The following DPP6 variants were observed in gnomAD, a reference collection of about 807,000 sequenced individuals.
The protein encoded by DPP6 is A-type potassium channel modulatory protein DPP6.
DPP6 carries 69 observed loss-of-function variants against 122.6 expected under a neutral mutation model. The ratio of observed to expected loss-of-function variants is 0.56; its 90% CI spans 0.46 to 0.69. The LOEUF (loss-of-function observed/expected upper bound fraction) is 0.69. DPP6 is among the 30% of genes least tolerant of loss of function. The pLI is 0.00. For missense variants in DPP6, 928 were observed against 1,116.9 expected (o/e 0.83, Z 2.41); for synonymous variants, 418 against 433.1 (o/e 0.97, Z 0.43).
intron 1 of DPP6, among the ~76,000 whole-genome samples, chr7:154,210,810 C>T (rs1383188017): frequency 2.0e-5 from 3 of 147,562 alleles, no homozygotes; most frequent in Non-Finnish European, 3.0e-5. Flanking sequence ...AGAAGAGAAC[C>T]ATTATAGTGG....
chr7:154,698,727 G>T (rs952826663), intron 7 of DPP6, among the ~76,000 whole-genome samples: 3 of 152,120 alleles, frequency 2.0e-5, no homozygotes, highest in Admixed American at 2.0e-4. Context: ...TAACCAAAAA[G>T]CTCCCTGAAG....
chr7:153,960,752 C>T (rs1163980627), intron 1 of DPP6, among the ~76,000 whole-genome samples: 1 of 148,994 alleles, frequency 6.7e-6, no homozygotes, highest in African/African-American at 2.5e-5. Context: ...TGTGATTTCT[C>T]CAGGTGCCCT....
At chr7:153,882,125 T>C (rs1363801391), upstream of DPP6, among the ~76,000 whole-genome samples, 2 of 152,218 alleles carry the variant, frequency 1.3e-5, no homozygotes, top group African/African-American at 4.8e-5. Context: ...AAACATTGGT[T>C]ATATGCTTTC....
intron 8 of DPP6, among the ~76,000 whole-genome samples, chr7:154,743,661 G>A (rs548756388): frequency 1.3e-5 from 2 of 152,040 alleles, no homozygotes; most frequent in Non-Finnish European, 2.9e-5. Context: ...TGTGCCCCTT[G>A]GTATATACGC....
intron 1 of DPP6, among the ~76,000 whole-genome samples, chr7:154,238,447 A>G (rs928598304): frequency 3.9e-5 from 6 of 152,208 alleles, no homozygotes; most frequent in Non-Finnish European, 7.3e-5. Context: ...GATAATAGCA[A>G]TAACTGGCTA....
chr7:154,050,420 C>T (rs182782172), upstream of DPP6, among the ~76,000 whole-genome samples: 573 of 152,178 alleles, frequency 3.8e-3, 1 homozygote, highest in African/African-American at 0.013. Flanking sequence ...TAAAAATATG[C>T]ATGCATATTT....
intron 7 of DPP6, among the ~76,000 whole-genome samples, chr7:154,727,070 G>A (rs924058170): frequency 6.6e-6 from 1 of 152,110 alleles, no homozygotes; most frequent in Admixed American, 6.5e-5. Context: ...CACATTTTCA[G>A]GTATCTTTGT....
intron 5 of DPP6, among the ~76,000 whole-genome samples, chr7:154,611,966 C>G (rs747074399): frequency 1.3e-5 from 2 of 152,050 alleles, no homozygotes; most frequent in Non-Finnish European, 2.9e-5. Flanking sequence ...TGTGTTCTTA[C>G]AAAAACATGT....
chr7:154,741,243 G>C (rs1242895185), intron 8 of DPP6, among the ~76,000 whole-genome samples: 9 of 152,216 alleles, frequency 5.9e-5, no homozygotes, highest in Admixed American at 5.9e-4. Context: ...GACTGGACAT[G>C]CAGACCTATC....
At chr7:154,103,660 C>T (rs1417929459) in intron 1 of DPP6, among the ~76,000 whole-genome samples, 1 of 152,248 alleles carries the variant, frequency 6.6e-6, no homozygotes, top group Non-Finnish European at 1.5e-5. Flanking sequence ...AAGACCCATC[C>T]TCAGTGTGGG....
rs1157043834 is a variant in DPP6, at chr7:154,601,068, G to T, written c.627+34152G>T. Among the ~76,000 whole-genome samples the T allele has an allele frequency of 4.2e-5, 5 of 120,296 alleles. 1 individual carries two copies. The highest frequency in any genetic ancestry group is 1.3e-4 in the African/African-American group (5 of 37,828). The allele number at this position is 120,296 out of a possible 152,430, so 78.9% of individuals were successfully genotyped here. A position where few individuals can be genotyped will look rare whatever the true frequency, so the allele number is the denominator to read the frequency against. ...GGACTCCAGCCTGGGCAACAAGAGC[G>T]AAACTCCATCTCAAGAAACAAAAAC... On this transcript the variant is annotated intron_variant, in intron 5 of 25. Transcript: ENST00000377770.
chr7:154,128,117 G>A (rs577941989), intron 1 of DPP6, among the ~76,000 whole-genome samples: 1 of 150,672 alleles, frequency 6.6e-6, no homozygotes, highest in African/African-American at 2.5e-5. Flanking sequence ...GGCACAGCTG[G>A]CCTCTCTGCC....
At chr7:154,801,284 T>G in intron 12 of DPP6, 71 bp from the exon 13 acceptor site, 1 of 1,543,054 alleles carries the variant, frequency 6.5e-7, no homozygotes. Context: ...GGGGTGTATT[T>G]TATCCTGGTT....
At chr7:154,369,027 T>C (rs1317152602) in intron 1 of DPP6, among the ~76,000 whole-genome samples, 3 of 152,148 alleles carry the variant, frequency 2.0e-5, no homozygotes, top group Non-Finnish European at 4.4e-5. Context: ...CTGCGCAATA[T>C]CCATCAATCC....
intron 1 of DPP6, among the ~76,000 whole-genome samples, chr7:154,024,436 GT>G (rs922510380): frequency 1.0e-4 from 15 of 149,918 alleles, no homozygotes; most frequent in East Asian, 3.9e-4. Flanking sequence ...TAGATGATCA[GT>G]TTTTTTTTTC....
intron 7 of DPP6, among the ~76,000 whole-genome samples, chr7:154,703,619 A>T (rs1474955846): frequency 1.8e-4 from 2 of 10,836 alleles, no homozygotes; most frequent in African/African-American, 2.3e-4. Context: ...ACTCTGTCTC[A>T]AAAAAAAAAA....
chr7:153,999,511 T>C (rs918764618), intron 1 of DPP6, among the ~76,000 whole-genome samples: 1 of 152,236 alleles, frequency 6.6e-6, no homozygotes, highest in Non-Finnish European at 1.5e-5. Context: ...ACTGTTGAAA[T>C]CTATGGCTTC....
chr7:154,793,923 T>C (rs370938016), intron 10 of DPP6, 156 bp from the exon 11 acceptor site: 20 of 1,260,328 alleles, frequency 1.6e-5, no homozygotes, highest in African/African-American at 7.6e-5. Context: ...GCAGATTCTT[T>C]ATAAGCCAGA....
intron 21 of DPP6, chr7:154,883,669 C>CACAT (rs752472132): frequency 6.7e-6 from 1 of 150,320 alleles, no homozygotes; most frequent in Non-Finnish European, 1.5e-5. Flanking sequence ...CATGCTCACA[C>CACAT]GATTACATAC....
Sources: allele counts gnomAD v4.1 joint callset (sites outside exome capture counted in the v4.1 genomes callset), GRCh38; gene constraint gnomAD v4.1.1; transcripts MANE v1.5; gene names NCBI Gene and HGNC (gene_info 2026-07-23, HGNC 2026-07-21).